Variants in GALNT13 observed in about 807,000 individuals in gnomAD.
GALNT13 encodes polypeptide N-acetylgalactosaminyltransferase 13.
A neutral mutation model predicts 64.2 loss-of-function variants in GALNT13; 28 were observed. That is an observed-to-expected ratio of 0.44 (90% CI 0.32 to 0.60). The LOEUF (loss-of-function observed/expected upper bound fraction) is 0.60, where lower values mean the gene tolerates loss of function less well. GALNT13 is among the 20% of genes least tolerant of loss of function. The pLI, the probability that GALNT13 is intolerant of heterozygous loss-of-function variation, is 0.05. For missense variants in GALNT13, 577 were observed against 669.8 expected (o/e 0.86, Z 1.53); for synonymous variants, 214 against 224.6 (o/e 0.95, Z 0.42).
the GALNT13 span, among the ~76,000 whole-genome samples, chr2:153,323,571 A>G: frequency 0.68 from 103,975 of 151,960 alleles, 37,071 homozygotes; most frequent in Non-Finnish European, 0.79. Flanking sequence ...GCCCATGCCT[A>G]TGTCCTGAAT....
At chr2:154,032,413 C>T (rs1330676762) in intron 3 of GALNT13, among the ~76,000 whole-genome samples, 3 of 151,812 alleles carry the variant, frequency 2.0e-5, no homozygotes, top group Non-Finnish European at 2.9e-5. Context: ...GTAGCACTTT[C>T]GATTTATCTA....
At chr2:153,444,194 C>T in the GALNT13 span, among the ~76,000 whole-genome samples, 5 of 152,270 alleles carry the variant, frequency 3.3e-5, no homozygotes, top group South Asian at 2.1e-4. Context: ...CTCACCCACC[C>T]GCTGACCTAC....
At chr2:154,438,058 G>A (rs766908053) in intron 11 of GALNT13, among the ~76,000 whole-genome samples, 10 of 152,056 alleles carry the variant, frequency 6.6e-5, no homozygotes, top group Non-Finnish European at 1.0e-4. Context: ...AGAGATAAGT[G>A]TAGAGCCTAC....
In GALNT13 at chr2:154,428,813, G is replaced by A. The variant is rs529476673; in HGVS notation, c.1396-9779G>A. On this transcript the variant is annotated intron_variant, in intron 11 of 12. Transcript: ENST00000392825. Reference sequence around the variant, plus strand: ...TTTTTTTTATTTGAGATGGAGTCTCGCTCTGTCGCCCAGGCTGGAGTGCAG... The same window carrying A: ...TTTTTTTTATTTGAGATGGAGTCTCACTCTGTCGCCCAGGCTGGAGTGCAG... Among the ~76,000 whole-genome samples the A allele has an allele frequency of 8.7e-3, 1,277 of 147,308 alleles. 16 individuals are homozygous for A. The highest frequency in any genetic ancestry group is 0.031 in the African/African-American group (1,210 of 39,558).
At chr2:153,327,833 C>T in the GALNT13 span, among the ~76,000 whole-genome samples, 4 of 151,962 alleles carry the variant, frequency 2.6e-5, no homozygotes, top group South Asian at 2.1e-4. Flanking sequence ...GTTTTCTTCC[C>T]TTGCTGGCTC....
the GALNT13 span, among the ~76,000 whole-genome samples, chr2:153,320,456 A>C: frequency 1.3e-5 from 2 of 152,204 alleles, no homozygotes. Flanking sequence ...TGAACATGAC[A>C]GATGAGGTCA....
intron 2 of GALNT13, among the ~76,000 whole-genome samples, chr2:153,901,397 G>C (rs1248982630): frequency 6.6e-6 from 1 of 152,120 alleles, no homozygotes; most frequent in Non-Finnish European, 1.5e-5. Flanking sequence ...TATTGAATCT[G>C]TAAATTGCTT....
intron 3 of GALNT13, among the ~76,000 whole-genome samples, chr2:154,127,056 AT>A (rs1403742308): frequency 2.6e-5 from 4 of 152,186 alleles, no homozygotes; most frequent in African/African-American, 9.7e-5. Context: ...TTTAATTACT[AT>A]TTTTACGTCT....
intron 3 of GALNT13, among the ~76,000 whole-genome samples, chr2:154,098,173 A>G (rs1253630760): frequency 2.0e-5 from 3 of 146,952 alleles, no homozygotes; most frequent in East Asian, 2.0e-4. Context: ...AATATTTTGA[A>G]CGGCACTGAC....
the GALNT13 span, among the ~76,000 whole-genome samples, chr2:153,526,667 C>T: frequency 0.01 from 1,561 of 152,148 alleles, 29 homozygotes; most frequent in African/African-American, 0.035. Context: ...AAGTATTGAC[C>T]ATCCAGAAAA....
At chr2:154,193,668 A>G (rs954312422) in intron 4 of GALNT13, among the ~76,000 whole-genome samples, 3 of 152,094 alleles carry the variant, frequency 2.0e-5, no homozygotes, top group African/African-American at 7.2e-5. Context: ...AGCAATAATA[A>G]CTCATGTAAT....
At chr2:153,612,605 A>C in the GALNT13 span, among the ~76,000 whole-genome samples, 2 of 151,702 alleles carry the variant, frequency 1.3e-5, no homozygotes, top group Admixed American at 6.6e-5. Flanking sequence ...TCTCCAGTAC[A>C]TTCGAGGTTT....
the GALNT13 span, among the ~76,000 whole-genome samples, chr2:153,638,425 C>CAGCCCAA: frequency 1.5e-4 from 4 of 26,858 alleles, no homozygotes; most frequent in Non-Finnish European, 2.1e-4. Flanking sequence ...TGCCTGGACA[C>CAGCCCAA]CCGGGATAGT....
intron 4 of GALNT13, among the ~76,000 whole-genome samples, chr2:154,193,144 A>G (rs1686690637): frequency 6.6e-6 from 1 of 152,254 alleles, no homozygotes; most frequent in Admixed American, 6.5e-5. Context: ...GGATAAGAGT[A>G]CAAATCCCTC....
At chr2:154,374,582 T>C (rs949173879) in intron 9 of GALNT13, among the ~76,000 whole-genome samples, 1 of 152,300 alleles carries the variant, frequency 6.6e-6, no homozygotes, top group Non-Finnish European at 1.5e-5. Flanking sequence ...GTGGCAAGTA[T>C]GTAAAGTTTA....
the GALNT13 span, among the ~76,000 whole-genome samples, chr2:153,796,764 T>C: frequency 1.3e-5 from 2 of 152,132 alleles, no homozygotes; most frequent in Admixed American, 6.5e-5. Flanking sequence ...GTAGACATGT[T>C]GTTTCACAGT....
intron 4 of GALNT13, among the ~76,000 whole-genome samples, chr2:154,211,729 A>G (rs1354199732): frequency 6.6e-6 from 1 of 151,936 alleles, no homozygotes; most frequent in Non-Finnish European, 1.5e-5. Flanking sequence ...ACTATCCTAT[A>G]TACAGTTTGT....
chr2:153,373,115 C>T, the GALNT13 span, among the ~76,000 whole-genome samples: 1 of 145,298 alleles, frequency 6.9e-6, no homozygotes, highest in Non-Finnish European at 1.5e-5. Flanking sequence ...ATAGCCTTTG[C>T]CCATTATTCT....
chr2:153,178,779 A>C, the GALNT13 span, among the ~76,000 whole-genome samples: 1 of 123,870 alleles, frequency 8.1e-6, no homozygotes, highest in African/African-American at 3.1e-5. Context: ...TCTGTTGCCC[A>C]GGCTGGAGTG....
Sources: allele counts gnomAD v4.1 joint callset (sites outside exome capture counted in the v4.1 genomes callset), GRCh38; gene constraint gnomAD v4.1.1; transcripts MANE v1.5; gene names NCBI Gene and HGNC (gene_info 2026-07-23, HGNC 2026-07-21).